The following BCAS3 variants were observed in gnomAD, a reference collection of about 807,000 sequenced individuals.
BCAS3 encodes the protein BCAS3 microtubule associated cell migration factor.
In BCAS3, 53 loss-of-function variants were observed where a neutral mutation model predicts 116.1. The ratio of observed to expected loss-of-function variants is 0.46; its 90% CI spans 0.37 to 0.57. The LOEUF is 0.57. Ranked by LOEUF, BCAS3 falls within the 20% of genes least tolerant of loss-of-function variation. The pLI is 0.00. For missense variants in BCAS3, 917 were observed against 1,165.4 expected (o/e 0.79, Z 3.10); for synonymous variants, 391 against 408.2 (o/e 0.96, Z 0.51).
intron 7 of BCAS3, among the ~76,000 whole-genome samples, chr17:60,846,227 G>T (rs1350888328): frequency 6.6e-6 from 1 of 152,150 alleles, no homozygotes; most frequent in Non-Finnish European, 1.5e-5. Context: ...ACCACACCCA[G>T]CCCCATTCTA....
intron 22 of BCAS3, among the ~76,000 whole-genome samples, chr17:61,197,578 T>C (rs2080556380): frequency 6.6e-6 from 1 of 152,204 alleles, no homozygotes; most frequent in Non-Finnish European, 1.5e-5. Flanking sequence ...GGAACTGTAG[T>C]GATCATCTCA....
chr17:60,694,920 A>G (rs8067680), intron 4 of BCAS3, among the ~76,000 whole-genome samples: 7,748 of 152,100 alleles, frequency 0.051, 635 homozygotes, highest in African/African-American at 0.17. Context: ...GCCCCTGGCA[A>G]CCACCACTCT....
At position 61,118,704 on chromosome 17, in the gene BCAS3, G is replaced by T. The variant is rs1012383; in HGVS notation, c.2425+34140G>T. On this transcript the variant is annotated intron_variant, in intron 22 of 23. Coordinates refer to ENST00000407086, the MANE Select transcript of BCAS3 (RefSeq NM_017679.5). This position sits in a 1 kb window ranked among gnomAD's most constrained non-coding sequence, Gnocchi z 5.0. ...TGTCTAAAAGTTTCTGTCTTGCTAGGCTACACATTCCTGTTTTTTTTGGCA... is the reference window on the plus strand; with the variant it reads ...TGTCTAAAAGTTTCTGTCTTGCTAGTCTACACATTCCTGTTTTTTTTGGCA... Among the ~76,000 whole-genome samples the T allele has an allele frequency of 0.65, 99,033 of 151,454 alleles. 38,011 individuals carry two copies. The highest frequency in any genetic ancestry group is 0.95 in the South Asian group (4,561 of 4,812).
Position 61,188,160 on chromosome 17 carries a change from CT to C in BCAS3, c.2425+103597del, listed in dbSNP as rs548692749. On this transcript the variant is annotated intron_variant, in intron 22 of 23. Transcript: ENST00000407086. This position sits in a 1 kb window ranked among gnomAD's most constrained non-coding sequence, Gnocchi z 4.0. ...TAGGATTTCAGGGATGTCTTCACCC[CT>C]AAAACAATCTCTCCTTGCTATTCTC... 8.7e-4 allele frequency among the ~76,000 whole-genome samples: 133 copies of C among 152,310 alleles called. 1 individual carries two copies. The highest frequency in any genetic ancestry group is 3.1e-3 in the African/African-American group (129 of 41,578).
intron 7 of BCAS3, chr17:60,810,718 C>A: frequency 1.5e-6 from 1 of 663,688 alleles, no homozygotes; most frequent in Non-Finnish European, 2.8e-6. Context: ...CATCCATGGG[C>A]TCTGCAAGGT....
Position 61,381,592 on chromosome 17 carries a change from C to T in BCAS3, c.2594-10385C>T, listed in dbSNP as rs969471222. 1.3e-5 allele frequency among the ~76,000 whole-genome samples: 2 copies of T among 149,528 alleles called. No individual in the cohort carries two copies. Among genetic ancestry groups the T allele is most frequent in the East Asian group, 4.0e-4 (2 of 5,050 alleles). On this transcript the variant is annotated intron_variant, in intron 23 of 23. Coordinates refer to ENST00000407086, the MANE Select transcript of BCAS3 (RefSeq NM_017679.5). This position sits in a 1 kb window ranked among gnomAD's most constrained non-coding sequence, Gnocchi z 6.0. ...GTTCACTGATGTCAAGGCTACCAGA[C>T]GCTAAATGCCACCGAGAAGTTAAAT... is the stretch of plus-strand genomic sequence containing the variant.
intron 13 of BCAS3, among the ~76,000 whole-genome samples, chr17:60,943,976 GC>G (rs1228935471): frequency 1.3e-5 from 2 of 151,986 alleles, no homozygotes; most frequent in East Asian, 1.9e-4. Flanking sequence ...GTTACATTTA[GC>G]TAAGCAGGCT....
rs2032634870 is a variant in BCAS3, at chr17:60,679,434, T to G, written c.-5-19T>G. 3 of 1,583,236 alleles carry G rather than the reference T, an allele frequency of 1.9e-6. No homozygotes were observed. Among genetic ancestry groups the G allele is most frequent in the Non-Finnish European group, 2.6e-6 (3 of 1,153,092 alleles). The stretch of plus-strand genomic sequence containing the variant: ...CCATGTTTTTCTGTTTTTTGTTTGT[T>G]TGTTTGTTCTGGAAACAGGTTTTAT... On this transcript the variant is annotated intron_variant, in intron 1 of 23. Transcript: ENST00000407086.
Position 61,141,667 on chromosome 17 carries a change from C to A in BCAS3, c.2425+57103C>A, listed in dbSNP as rs183702843. Reference sequence around the variant, plus strand: ...CCTGTAATCCCAGCTCTTTGAGAGGCTGAGGTGGGCGGATCACGAGGTCAA... The same window carrying A: ...CCTGTAATCCCAGCTCTTTGAGAGGATGAGGTGGGCGGATCACGAGGTCAA... On this transcript the variant is annotated intron_variant, in intron 22 of 23. Transcript: ENST00000407086. The surrounding 1 kb of genome is among the most constrained non-coding windows in gnomAD (Gnocchi z 4.3). Among the ~76,000 whole-genome samples, 13 of 152,268 alleles carry A rather than the reference C, an allele frequency of 8.5e-5. No individual in the cohort carries two copies. Among genetic ancestry groups the A allele is most frequent in the Middle Eastern group, 3.4e-3 (1 of 294 alleles).
intron 7 of BCAS3, among the ~76,000 whole-genome samples, chr17:60,841,081 T>G (rs1468395579): frequency 6.6e-6 from 1 of 152,148 alleles, no homozygotes; most frequent in Admixed American, 6.5e-5. Context: ...TGTGTAATAA[T>G]TTTTCATATA....
At chr17:60,937,075 T>C (rs2059971362) in intron 13 of BCAS3, among the ~76,000 whole-genome samples, 1 of 152,176 alleles carries the variant, frequency 6.6e-6, no homozygotes, top group African/African-American at 2.4e-5. Context: ...GCTTTCTACA[T>C]ATGGCTAGCC....
In BCAS3 at chr17:60,757,392, A is replaced by ATG. The variant is rs879448369; in HGVS notation, c.403+10114_403+10115insGT. Among the ~76,000 whole-genome samples the ATG allele has an allele frequency of 7.7e-3, 1,026 of 132,742 alleles. 5 individuals are homozygous for ATG. The highest frequency in any genetic ancestry group is 8.5e-3 in the African/African-American group (250 of 29,524). 87.1% of individuals were successfully genotyped at this position (132,742 alleles called of 152,430 possible). On this transcript the variant is annotated intron_variant, in intron 6 of 23. Coordinates refer to ENST00000407086, the MANE Select transcript of BCAS3 (RefSeq NM_017679.5). ...TTTCTCTGCATCCTTGCCAGCATGT[A>ATG]TATGTGTGTGTGTGTGTGTGTGTGT...
chr17:60,815,468 G>T (rs1173097395), intron 7 of BCAS3, among the ~76,000 whole-genome samples: 1 of 151,666 alleles, frequency 6.6e-6, no homozygotes, highest in African/African-American at 2.4e-5. Flanking sequence ...AAAAAAAAAA[G>T]TCCAGTGCCA....
At position 61,315,465 on chromosome 17, in the gene BCAS3, G is replaced by A. The variant is rs6504034; in HGVS notation, c.2426-52862G>A. Reference sequence around the variant, plus strand: ...ACGGGAGGGCATGCAGAGCAGTCTCGGAGCGGACGCTAGCTGGCAGCGGTG... The same window carrying A: ...ACGGGAGGGCATGCAGAGCAGTCTCAGAGCGGACGCTAGCTGGCAGCGGTG... On this transcript the variant is annotated intron_variant, in intron 22 of 23. Coordinates refer to ENST00000407086, the MANE Select transcript of BCAS3 (RefSeq NM_017679.5). The surrounding 1 kb of genome is among the most constrained non-coding windows in gnomAD (Gnocchi z 5.3). Among the ~76,000 whole-genome samples the A allele has an allele frequency of 0.32, 48,965 of 152,112 alleles. 12,348 individuals are homozygous for A. The highest frequency in any genetic ancestry group is 0.71 in the African/African-American group (29,277 of 41,500).
At chr17:60,824,069 G>A (rs753027294) in intron 7 of BCAS3, among the ~76,000 whole-genome samples, 1 of 152,094 alleles carries the variant, frequency 6.6e-6, no homozygotes, top group African/African-American at 2.4e-5. Context: ...CTTTCATTAT[G>A]TGTTAGTATT....
chr17:61,167,556 T>C (rs559263363), intron 22 of BCAS3, among the ~76,000 whole-genome samples: 1 of 152,240 alleles, frequency 6.6e-6, no homozygotes, highest in Non-Finnish European at 1.5e-5. Context: ...TGTGAAACTG[T>C]GTGCTATACC....
At chr17:60,939,925 A>T (rs866750708) in intron 13 of BCAS3, among the ~76,000 whole-genome samples, 2 of 152,220 alleles carry the variant, frequency 1.3e-5, no homozygotes, top group African/African-American at 4.8e-5. Context: ...TTAAATATCT[A>T]TTTGGTAAGG....
intron 14 of BCAS3, among the ~76,000 whole-genome samples, chr17:60,948,596 T>C (rs2060656000): frequency 6.6e-6 from 1 of 152,206 alleles, no homozygotes; most frequent in African/African-American, 2.4e-5. Context: ...TTGACTAGCC[T>C]ATCATTTTCC....
intron 6 of BCAS3, among the ~76,000 whole-genome samples, chr17:60,763,668 GTGT>G (rs940575311): frequency 6.6e-6 from 1 of 151,964 alleles, no homozygotes; most frequent in African/African-American, 2.4e-5. Context: ...TTTTTTTGTT[GTGT>G]CTCTGCCAGG....
Sources: gnomAD v4.1 joint callset for allele counts (sites outside exome capture counted in the v4.1 genomes callset) on GRCh38, gnomAD v4.1.1 for gene constraint, Gnocchi (gnomAD v3.1) non-coding constraint, MANE v1.5 for transcripts, NCBI Gene and HGNC (gene_info 2026-07-23, HGNC 2026-07-21) for gene names.